Variants in RYR2 observed in about 807,000 individuals in gnomAD.
RYR2 encodes the protein cardiac muscle ryanodine receptor-calcium release channel.
RYR2 carries 227 observed loss-of-function variants against 601.1 expected under a neutral mutation model. That is an observed-to-expected ratio of 0.38 (90% confidence interval 0.34 to 0.42). The LOEUF is 0.42. Among genes scored for constraint, RYR2 ranks in the 10% least tolerant of loss-of-function variants. The probability of loss-of-function intolerance (pLI) is 1.00; values close to 1 mark genes in which losing one functional copy is unlikely to be tolerated. For missense variants in RYR2, 4,646 were observed against 6,156.5 expected (o/e 0.75, Z 8.21); for synonymous variants, 2,223 against 2,175.1 (o/e 1.02, Z -0.61).
intron 27 of RYR2, among the ~76,000 whole-genome samples, chr1:237,564,452 T>C (rs771586542): frequency 6.6e-6 from 1 of 152,136 alleles, no homozygotes; most frequent in African/African-American, 2.4e-5. Flanking sequence ...GTATTTTTTG[T>C]AGAGATGGGA....
intron 12 of RYR2, among the ~76,000 whole-genome samples, chr1:237,431,735 C>G (rs1706824132): frequency 6.6e-6 from 1 of 152,084 alleles, no homozygotes; most frequent in Non-Finnish European, 1.5e-5. Context: ...TGGAGGCTCT[C>G]AGAGGGCAGA....
At chr1:237,711,408 A>G (rs376122542) in intron 70 of RYR2, among the ~76,000 whole-genome samples, 2 of 152,198 alleles carry the variant, frequency 1.3e-5, no homozygotes, top group African/African-American at 4.8e-5. Context: ...CGGAAAGTCT[A>G]TGTTAATCTC....
At chr1:237,189,090 T>C (rs1407952176) in intron 1 of RYR2, among the ~76,000 whole-genome samples, 2 of 152,166 alleles carry the variant, frequency 1.3e-5, no homozygotes, top group Non-Finnish European at 2.9e-5. Context: ...CTTTCTACTT[T>C]GTTTCTGTGA....
chr1:237,420,468 C>T (rs75840950), intron 11 of RYR2, among the ~76,000 whole-genome samples: 3 of 152,154 alleles, frequency 2.0e-5, no homozygotes, highest in Non-Finnish European at 4.4e-5. Flanking sequence ...CTTTATAAAA[C>T]TCCATTACTA....
At chr1:237,688,214 A>T (rs1481483060) in intron 63 of RYR2, among the ~76,000 whole-genome samples, 2 of 152,222 alleles carry the variant, frequency 1.3e-5, no homozygotes, top group Non-Finnish European at 2.9e-5. Flanking sequence ...ATCCGATTTT[A>T]TAAACTGCCG....
intron 2 of RYR2, among the ~76,000 whole-genome samples, chr1:237,302,310 A>G (rs532905873): frequency 3.3e-5 from 5 of 152,328 alleles, no homozygotes; most frequent in Non-Finnish European, 5.9e-5. Context: ...ATGGCTTAAC[A>G]TAAGTCTTTA....
At chr1:237,279,267 T>C (rs549294888) in intron 2 of RYR2, among the ~76,000 whole-genome samples, 1 of 152,338 alleles carries the variant, frequency 6.6e-6, no homozygotes, top group Non-Finnish European at 1.5e-5. Flanking sequence ...TTCATGTTCA[T>C]GACAGGGTGC....
intron 34 of RYR2, among the ~76,000 whole-genome samples, chr1:237,599,822 A>C (rs1676303458): frequency 6.6e-6 from 1 of 151,884 alleles, no homozygotes; most frequent in Non-Finnish European, 1.5e-5. Context: ...AAAAAAAAAA[A>C]AAAAAAAATC....
chr1:237,319,089 C>T (rs1481726549), intron 2 of RYR2, among the ~76,000 whole-genome samples: 1 of 151,978 alleles, frequency 6.6e-6, no homozygotes, highest in Non-Finnish European at 1.5e-5. Flanking sequence ...AATTGAACCT[C>T]TTTAGTATAT....
chr1:237,787,380 G>C (rs1321130714), intron 91 of RYR2, among the ~76,000 whole-genome samples: 6 of 151,894 alleles, frequency 4.0e-5, no homozygotes, highest in Non-Finnish European at 7.4e-5. Context: ...ATAAGGTCAG[G>C]AGTTCAAGAC....
intron 72 of RYR2, among the ~76,000 whole-genome samples, chr1:237,717,882 T>C (rs767875350): frequency 6.6e-6 from 1 of 152,196 alleles, no homozygotes; most frequent in Non-Finnish European, 1.5e-5. Flanking sequence ...GGATGCAATA[T>C]TTTGTACATT....
At chr1:237,414,085 T>G (rs558075052) in intron 10 of RYR2, among the ~76,000 whole-genome samples, 14 of 152,306 alleles carry the variant, frequency 9.2e-5, no homozygotes, top group African/African-American at 3.1e-4. Flanking sequence ...TCTTTAAAAA[T>G]CTGATAACAT....
At chr1:237,222,597 G>A (rs1683940479) in intron 1 of RYR2, among the ~76,000 whole-genome samples, 2 of 152,062 alleles carry the variant, frequency 1.3e-5, no homozygotes, top group African/African-American at 4.8e-5. Flanking sequence ...TAGTACGCTG[G>A]AAAGAAATGT....
chr1:237,554,805 T>C (rs1670725718), intron 27 of RYR2, among the ~76,000 whole-genome samples: 5 of 152,078 alleles, frequency 3.3e-5, no homozygotes, highest in Admixed American at 3.3e-4. Flanking sequence ...TTTTAATGTC[T>C]GTAGGATCTT....
At chr1:237,322,855 ATT>A (rs142296908) in intron 2 of RYR2, among the ~76,000 whole-genome samples, 99 of 143,554 alleles carry the variant, frequency 6.9e-4, no homozygotes, top group African/African-American at 2.4e-3. Context: ...TGTGGTGTTA[ATT>A]TTTTTTTAAA....
chr1:237,292,513 C>T (rs975046870), intron 2 of RYR2, among the ~76,000 whole-genome samples: 4 of 151,996 alleles, frequency 2.6e-5, no homozygotes, highest in African/African-American at 4.8e-5. Flanking sequence ...GTTAGAATAT[C>T]GGTATTTATT....
rs1678200182 is a variant in RYR2 at position 237,614,092 on chromosome 1, A to G, written c.4964A>G (p.Tyr1655Cys). 2 of 1,614,020 alleles carry G rather than the reference A, an allele frequency of 1.2e-6. No individual in the cohort carries two copies. Among genetic ancestry groups the G allele is most frequent in the Non-Finnish European group, 1.7e-6 (2 of 1,179,894 alleles). ...TEQEELLKFHYHTLRLYSAVC... is the reference protein window; with the variant it reads ...TEQEELLKFHCHTLRLYSAVC... ...CAGGAGGAATTGCTGAAATTTCACT[A>G]TCACACTCTCCGGCTCTACTCAGCC... The change falls in exon 37 of 105, where the codon TAT becomes TGT. Residue 1655 changes from tyrosine (Y) to cysteine (C), a missense_variant. Transcript: ENST00000366574. This position sits in a 1 kb window ranked among gnomAD's most constrained non-coding sequence, Gnocchi z 4.3.
chr1:237,455,658 A>G (rs989061488), intron 15 of RYR2, among the ~76,000 whole-genome samples: 4 of 152,232 alleles, frequency 2.6e-5, no homozygotes, highest in African/African-American at 9.6e-5. Flanking sequence ...GTCTACTTTT[A>G]AAGCTGTGTT....
At position 237,830,538 on chromosome 1, in the gene RYR2, C is replaced by T. The variant is rs1480529758; in HGVS notation, c.14664C>T (p.Cys4888=). The T allele has an allele frequency of 1.3e-6, 2 of 1,599,516 alleles. No individual in the cohort carries two copies. Among genetic ancestry groups the T allele is most frequent in the East Asian group, 2.2e-5 (1 of 44,788 alleles). ...TTCCCTTTGTTTTCTAGACCAAATG[C>T]TTCATCTGTGGGATAGGCAATGATT... The part of the protein sequence containing the change: ...EQVKEDMETK[C]FICGIGNDYF... The change falls in exon 103 of 105, where the codon TGC becomes TGT. Residue 4888 remains cysteine, a synonymous_variant. Coordinates refer to ENST00000366574, the MANE Select transcript of RYR2 (RefSeq NM_001035.3).
Sources: allele counts gnomAD v4.1 joint callset (sites outside exome capture counted in the v4.1 genomes callset), GRCh38; gene constraint gnomAD v4.1.1; non-coding constraint Gnocchi (gnomAD v3.1); transcripts MANE v1.5; gene names NCBI Gene and HGNC (gene_info 2026-07-23, HGNC 2026-07-21).